GRM7: variants seen among roughly 807,000 people sequenced by gnomAD.
The protein encoded by GRM7 is metabotropic glutamate receptor 7.
In GRM7, 35 loss-of-function variants were observed where a neutral mutation model predicts 84.5. The observed-to-expected ratio is 0.41, with a 90% CI of 0.32 to 0.55. GRM7 has a LOEUF of 0.55. GRM7 is among the 20% of genes least tolerant of loss of function. GRM7 has a pLI of 0.19. For missense variants in GRM7, 1,003 were observed against 1,194.6 expected (o/e 0.84, Z 2.36); for synonymous variants, 487 against 455.1 (o/e 1.07, Z -0.89).
chr3:7,554,681 G>A (rs1693676355), intron 7 of GRM7, among the ~76,000 whole-genome samples: 1 of 152,086 alleles, frequency 6.6e-6, no homozygotes, highest in Non-Finnish European at 1.5e-5. Context: ...GTAGGTCCTG[G>A]GCTCCATTCA....
In GRM7 at chr3:7,128,508, G is replaced by GTT. The variant is rs1337942490; in HGVS notation, c.520-17928_520-17927dup. Among the ~76,000 whole-genome samples, 530 of 74,322 alleles carry GTT rather than the reference G, an allele frequency of 7.1e-3. 3 individuals carry two copies. The highest frequency in any genetic ancestry group is 0.024 in the African/African-American group (403 of 16,872). The allele number at this position is 74,322 out of a possible 152,430, so 48.8% of individuals were successfully genotyped here. Reference sequence around the variant, plus strand: ...AAAATTTTAAAAATCAGACTTCCTTGTTTTTTTTTTTTTTTTTGAGATGGA... The same window carrying GTT: ...AAAATTTTAAAAATCAGACTTCCTTGTTTTTTTTTTTTTTTTTTTGAGATGGA... On this transcript the variant is annotated intron_variant, in intron 1 of 9. Transcript: ENST00000357716.
chr3:7,232,218 C>T (rs73809021), intron 2 of GRM7, among the ~76,000 whole-genome samples: 5,512 of 151,924 alleles, frequency 0.036, 303 homozygotes, highest in African/African-American at 0.12. Context: ...GGTGAACTCT[C>T]TTCCAACATT....
chr3:7,730,904 T>C (rs889438309), intron 9 of GRM7, among the ~76,000 whole-genome samples: 2 of 152,212 alleles, frequency 1.3e-5, no homozygotes, highest in African/African-American at 4.8e-5. Context: ...TTAATGCATA[T>C]CTATTTTTTT....
At chr3:7,004,003 T>C (rs1051124656) in intron 1 of GRM7, among the ~76,000 whole-genome samples, 61 of 152,302 alleles carry the variant, frequency 4.0e-4, no homozygotes, top group African/African-American at 1.4e-3. Flanking sequence ...CCTCAGTTCC[T>C]TGCAATGTGA....
chr3:7,334,891 C>A lies in GRM7; in HGVS notation c.1033+28239C>A, dbSNP rs999128081. Among the ~76,000 whole-genome samples the A allele has an allele frequency of 2.0e-5, 3 of 152,114 alleles. No homozygotes were observed. The East Asian group carries it at 5.8e-4, about 29-fold the overall frequency. ...GACATAAATATATATGCACCTAACA[C>A]TGGAGCTCCCAAATTTATCAAACGA... On this transcript the variant is annotated intron_variant, in intron 4 of 9. Transcript: ENST00000357716.
intron 1 of GRM7, among the ~76,000 whole-genome samples, chr3:6,961,993 GAAAGAAATAGTCCAA>G (rs143461459): frequency 0.014 from 2,150 of 152,176 alleles, 42 homozygotes; most frequent in African/African-American, 0.048. Flanking sequence ...AAAACTCCTT[GAAAGAAATAGTCCAA>G]ACTACTTCAA....
intron 8 of GRM7, among the ~76,000 whole-genome samples, chr3:7,677,963 T>C (rs1275591749): frequency 1.3e-5 from 2 of 152,216 alleles, no homozygotes; most frequent in Non-Finnish European, 2.9e-5. Flanking sequence ...GCCATTTTTC[T>C]AGGTGAATTA....
rs144652991 is a variant in GRM7 at position 7,311,431 on chromosome 3, A to G, written c.1033+4779A>G. 7.4e-3 allele frequency among the ~76,000 whole-genome samples: 1,116 copies of G among 150,724 alleles called. 11 individuals are homozygous for G. Among genetic ancestry groups the G allele is most frequent in the Non-Finnish European group, 0.012 (813 of 68,014 alleles). On this transcript the variant is annotated intron_variant, in intron 4 of 9. Coordinates refer to ENST00000357716, the MANE Select transcript of GRM7 (RefSeq NM_000844.4). ...GGATCTCAGTCTGATAGGCTAAGCT[A>G]CATAGTGGCAACAGATAGACTCTCA...
chr3:7,667,833 G>T (rs557626212), intron 8 of GRM7, among the ~76,000 whole-genome samples: 2 of 144,188 alleles, frequency 1.4e-5, no homozygotes, highest in Admixed American at 7.0e-5. Flanking sequence ...TAGGGTCTCA[G>T]TTAAGTCAAA....
intron 1 of GRM7, among the ~76,000 whole-genome samples, chr3:6,897,125 T>C (rs573548557): frequency 6.6e-6 from 1 of 152,324 alleles, no homozygotes; most frequent in East Asian, 1.9e-4. Flanking sequence ...CAATAATATC[T>C]CATTGTTCTT....
At chr3:7,137,126 A>T (rs1056237241) in intron 1 of GRM7, among the ~76,000 whole-genome samples, 1 of 152,074 alleles carries the variant, frequency 6.6e-6, no homozygotes, top group African/African-American at 2.4e-5. Flanking sequence ...CATTTTATTG[A>T]TGAGATATGA....
chr3:7,644,465 A>G (rs1392871073), intron 8 of GRM7, among the ~76,000 whole-genome samples: 1 of 152,204 alleles, frequency 6.6e-6, no homozygotes, highest in African/African-American at 2.4e-5. Context: ...ATATTATGTT[A>G]GAGAGTAACA....
In GRM7 at chr3:7,397,502, G is replaced by A. The variant is rs571689988; in HGVS notation, c.1034-17521G>A. Among the ~76,000 whole-genome samples the A allele has an allele frequency of 2.6e-5, 4 of 152,220 alleles. No homozygotes were observed. In the East Asian group the frequency reaches 7.7e-4, roughly 29 times the overall value. ...CTAATATTCAGTAGCATAATAGAGTGACTATAGTTAATAATTTGTTGTATA... is the reference window on the plus strand; with the variant it reads ...CTAATATTCAGTAGCATAATAGAGTAACTATAGTTAATAATTTGTTGTATA... On this transcript the variant is annotated intron_variant, in intron 4 of 9. Coordinates refer to ENST00000357716, the MANE Select transcript of GRM7 (RefSeq NM_000844.4).
At chr3:7,679,397 A>C (rs116928659) in intron 8 of GRM7, among the ~76,000 whole-genome samples, 1 of 150,774 alleles carries the variant, frequency 6.6e-6, no homozygotes, top group East Asian at 2.3e-4. Context: ...ACACAACTCC[A>C]GAATAAGGCG....
At chr3:6,977,549 A>C (rs1694047583) in intron 1 of GRM7, among the ~76,000 whole-genome samples, 2 of 152,162 alleles carry the variant, frequency 1.3e-5, no homozygotes, top group Admixed American at 1.3e-4. Context: ...ACCCCCCACT[A>C]AGTGGCAGGA....
At chr3:7,271,028 C>A (rs993546035) in intron 2 of GRM7, among the ~76,000 whole-genome samples, 1 of 151,952 alleles carries the variant, frequency 6.6e-6, no homozygotes, top group African/African-American at 2.4e-5. Context: ...TCAAGATTAG[C>A]CCTTGAAACT....
At chr3:7,526,909 A>G (rs577518756) in intron 7 of GRM7, among the ~76,000 whole-genome samples, 1 of 151,988 alleles carries the variant, frequency 6.6e-6, no homozygotes, top group South Asian at 2.1e-4. Flanking sequence ...TAACAGTACC[A>G]TGTTGTTTTG....
chr3:7,022,366 T>TACACACACACAC (rs1695810154), intron 1 of GRM7, among the ~76,000 whole-genome samples: 1 of 46,346 alleles, frequency 2.2e-5, no homozygotes, highest in Non-Finnish European at 3.9e-5. Context: ...TACACACACA[T>TACACACACACAC]GCACACACAC....
intron 4 of GRM7, among the ~76,000 whole-genome samples, chr3:7,353,169 T>G (rs1693236012): frequency 6.6e-6 from 1 of 152,010 alleles, no homozygotes; most frequent in Non-Finnish European, 1.5e-5. Flanking sequence ...CTTCCAGACC[T>G]CTAACTAGAC....
Sources: allele counts gnomAD v4.1 joint callset (sites outside exome capture counted in the v4.1 genomes callset), GRCh38; gene constraint gnomAD v4.1.1; transcripts MANE v1.5; gene names NCBI Gene and HGNC (gene_info 2026-07-23, HGNC 2026-07-21).